Variants in SIRPD observed in about 807,000 individuals in gnomAD.
SIRPD encodes signal regulatory protein delta, also known as signal-regulatory protein delta.
SIRPD carries 21 observed loss-of-function variants against 18.0 expected under a neutral mutation model. The ratio of observed to expected loss-of-function variants is 1.17; its 90% CI spans 0.83 to 1.68. The LOEUF (loss-of-function observed/expected upper bound fraction) is 1.68, where lower values mean the gene tolerates loss of function less well. SIRPD is among the 40% of genes most tolerant of loss of function. The pLI is 0.00. For missense variants in SIRPD, 295 were observed against 238.4 expected (o/e 1.24, Z -1.56); for synonymous variants, 106 against 92.9 (o/e 1.14, Z -0.81).
chr20:1,543,437 C>T (rs750370771), intron 2 of SIRPD, among the ~76,000 whole-genome samples: 10 of 148,522 alleles, frequency 6.7e-5, no homozygotes, highest in African/African-American at 1.8e-4. Context: ...TTATAGTATT[C>T]GCTGATGGTA....
intron 3 of SIRPD, 93 bp downstream of exon 3, chr20:1,537,062 T>C: frequency 6.9e-7 from 1 of 1,458,410 alleles, no homozygotes. Context: ...ACAACAGAGA[T>C]TCATCCGCCC....
intron 2 of SIRPD, among the ~76,000 whole-genome samples, chr20:1,542,027 T>A (rs1485046665): frequency 6.6e-6 from 1 of 152,210 alleles, no homozygotes; most frequent in Admixed American, 6.5e-5. Flanking sequence ...TACCATGCTG[T>A]TTTGGTTACT....
intron 2 of SIRPD, among the ~76,000 whole-genome samples, chr20:1,538,416 C>T (rs1350908051): frequency 6.6e-6 from 1 of 152,190 alleles, no homozygotes; most frequent in Non-Finnish European, 1.5e-5. Flanking sequence ...ACTCTAATCC[C>T]TGTCTTCACT....
chr20:1,537,833 G>A (rs1168879231), intron 2 of SIRPD, among the ~76,000 whole-genome samples: 1 of 152,194 alleles, frequency 6.6e-6, no homozygotes, highest in Non-Finnish European at 1.5e-5. Flanking sequence ...CTTGGGAGGA[G>A]GAGGATAGTT....
chr20:1,539,597 T>A lies in SIRPD; in HGVS notation c.422-2287A>T, dbSNP rs547077062. On this transcript the variant is annotated intron_variant, in intron 2 of 3. Coordinates refer to ENST00000381623, the MANE Select transcript of SIRPD (RefSeq NM_178460.3). ...GTCAGCCTTTGAGATTATCTCCAGCTCCTGGCATTCACCCCACTATGTAAT... is the reference window on the plus strand; with the variant it reads ...GTCAGCCTTTGAGATTATCTCCAGCACCTGGCATTCACCCCACTATGTAAT... Among the ~76,000 whole-genome samples the A allele has an allele frequency of 1.5e-4, 23 of 152,352 alleles. No homozygotes were observed. In the South Asian group the frequency reaches 4.3e-3, roughly 29 times the overall value.
intron 2 of SIRPD, among the ~76,000 whole-genome samples, chr20:1,544,914 C>A (rs2090987198): frequency 6.6e-6 from 1 of 152,060 alleles, no homozygotes; most frequent in East Asian, 1.9e-4. Context: ...GTTGAAAATT[C>A]TTTTCTTTAA....
At chr20:1,556,515 G>A (rs1191092016) in intron 1 of SIRPD, among the ~76,000 whole-genome samples, 1 of 152,212 alleles carries the variant, frequency 6.6e-6, no homozygotes, top group Non-Finnish European at 1.5e-5. Context: ...ATATGTTGAA[G>A]TCTTAACCAC....
At chr20:1,542,530 G>T (rs1379643921) in intron 2 of SIRPD, among the ~76,000 whole-genome samples, 1 of 152,204 alleles carries the variant, frequency 6.6e-6, no homozygotes, top group Non-Finnish European at 1.5e-5. Context: ...AGCTTAAGGA[G>T]TTTTGGGGCT....
rs1302952199 is a variant in SIRPD at position 1,547,066 on chromosome 20, A to G, written c.421+4625T>C. ...TTTTCTTTTGTTTCTCATGCTTTTG[A>G]TACTATGCTTAAGAAGCCAATGCAA... On this transcript the variant is annotated intron_variant, in intron 2 of 3. Transcript: ENST00000381623. Among the ~76,000 whole-genome samples, 3 of 152,116 alleles carry G rather than the reference A, an allele frequency of 2.0e-5. No individual in the cohort carries two copies. The East Asian group carries it at 5.8e-4, about 29-fold the overall frequency.
Position 1,534,338 on chromosome 20 carries a change from G to A in SIRPD, c.*87C>T. On this transcript the variant is annotated 3_prime_UTR_variant, in exon 4 of 4. Transcript: ENST00000381623. The stretch of plus-strand genomic sequence containing the variant: ...GAAAGCTCTCTTGAAGAAGGCAAAT[G>A]AAACTCCTAAAAAGTAGCTGTCTCC... 6.4e-7 allele frequency: 1 copy of A among 1,572,864 alleles called. No individual in the cohort carries two copies. Among genetic ancestry groups the A allele is most frequent in the Non-Finnish European group, 8.6e-7 (1 of 1,157,286 alleles).
At chr20:1,539,890 T>C (rs1327992364) in intron 2 of SIRPD, among the ~76,000 whole-genome samples, 1 of 152,154 alleles carries the variant, frequency 6.6e-6, no homozygotes, top group Admixed American at 6.5e-5. Flanking sequence ...TCTTCTCCAG[T>C]TGAGCCTTTG....
intron 2 of SIRPD, 74 bp from the exon 3 acceptor site, chr20:1,537,384 G>T: frequency 6.9e-7 from 1 of 1,455,250 alleles, no homozygotes. Context: ...AGGGCTGTAG[G>T]ATTATGACCG....
chr20:1,539,688 A>G (rs2090962203), intron 2 of SIRPD, among the ~76,000 whole-genome samples: 1 of 152,190 alleles, frequency 6.6e-6, no homozygotes, highest in Non-Finnish European at 1.5e-5. Context: ...GTCACTTCTG[A>G]AATTAGCTTA....
At chr20:1,549,112 C>T (rs192849444) in intron 2 of SIRPD, among the ~76,000 whole-genome samples, 7 of 152,164 alleles carry the variant, frequency 4.6e-5, no homozygotes, top group African/African-American at 1.7e-4. Context: ...TTCTTCAAAT[C>T]TACTGTTAAT....
At chr20:1,553,312 A>T (rs774989800) in intron 1 of SIRPD, among the ~76,000 whole-genome samples, 11 of 152,176 alleles carry the variant, frequency 7.2e-5, no homozygotes, top group Non-Finnish European at 1.5e-4. Context: ...GTGACCACTC[A>T]GGTACTTGCT....
chr20:1,554,687 C>T (rs1462157940), intron 1 of SIRPD, among the ~76,000 whole-genome samples: 1 of 152,092 alleles, frequency 6.6e-6, no homozygotes, highest in Non-Finnish European at 1.5e-5. Context: ...TGATAACCAA[C>T]ATACTGCATA....
intron 3 of SIRPD, among the ~76,000 whole-genome samples, chr20:1,536,726 G>T (rs780672753): frequency 6.6e-6 from 1 of 152,150 alleles, no homozygotes; most frequent in Non-Finnish European, 1.5e-5. Context: ...ATGCATCCAT[G>T]TGTACTCATC....
intron 1 of SIRPD, among the ~76,000 whole-genome samples, chr20:1,552,776 G>A (rs1054930805): frequency 1.3e-5 from 2 of 152,104 alleles, no homozygotes; most frequent in Admixed American, 6.5e-5. Context: ...GACTGCCTAA[G>A]GAGCAGGTTA....
chr20:1,534,489 C>T, intron 3 of SIRPD, 48 bp from the exon 4 acceptor site: 1 of 1,548,114 alleles, frequency 6.5e-7, no homozygotes, highest in Non-Finnish European at 8.8e-7. Flanking sequence ...CTCCCTCCTG[C>T]AAGCTAAGAG....
Sources: allele counts gnomAD v4.1 joint callset (sites outside exome capture counted in the v4.1 genomes callset), GRCh38; gene constraint gnomAD v4.1.1; transcripts MANE v1.5; gene names NCBI Gene and HGNC (gene_info 2026-07-23, HGNC 2026-07-21).